Variants in TSPAN5 observed in about 807,000 individuals in gnomAD.
TSPAN5 encodes tetraspanin 5, also known as tetraspanin-5.
A neutral mutation model predicts 37.1 loss-of-function variants in TSPAN5; 10 were observed. The ratio of observed to expected loss-of-function variants is 0.27; its 90% CI spans 0.17 to 0.46. The LOEUF is 0.46. Among genes scored for constraint, TSPAN5 ranks in the 20% least tolerant of loss-of-function variants. The pLI is 1.00. For missense variants in TSPAN5, 195 were observed against 326.6 expected, an observed-to-expected ratio of 0.60 and a Z score of 3.11; for synonymous variants, 110 against 118.9, an observed-to-expected ratio of 0.93 and a Z score of 0.48.
chr4:98,559,567 T>C (rs1442881728), intron 1 of TSPAN5, among the ~76,000 whole-genome samples: 1 of 152,228 alleles, frequency 6.6e-6, no homozygotes, highest in Non-Finnish European at 1.5e-5. Context: ...TTTATTATCA[T>C]TAGTTACTGA....
intron 2 of TSPAN5, among the ~76,000 whole-genome samples, chr4:98,489,214 C>T (rs1251550220): frequency 2.0e-5 from 3 of 152,134 alleles, no homozygotes; most frequent in African/African-American, 7.2e-5. Flanking sequence ...ACAGGACTAG[C>T]TGGATTTCCC....
intron 1 of TSPAN5, among the ~76,000 whole-genome samples, chr4:98,649,934 C>T (rs6829297): frequency 0.12 from 18,343 of 152,188 alleles, 1,209 homozygotes; most frequent in African/African-American, 0.16. Context: ...TATATGTAGA[C>T]CTAACACTCT....
chr4:98,586,176 T>C (rs1755480284), intron 1 of TSPAN5, among the ~76,000 whole-genome samples: 1 of 152,234 alleles, frequency 6.6e-6, no homozygotes, highest in Admixed American at 6.5e-5. Context: ...AAAAGCAGAC[T>C]GAAGTTTTAA....
intron 1 of TSPAN5, among the ~76,000 whole-genome samples, chr4:98,648,132 C>T (rs1054337073): frequency 2.6e-5 from 4 of 152,144 alleles, no homozygotes; most frequent in Admixed American, 6.5e-5. Flanking sequence ...GCTTTATTGT[C>T]AACTGTCTTT....
chr4:98,476,268 C>T lies in TSPAN5; in HGVS notation c.662G>A (p.Cys221Tyr). 1 of 1,614,232 alleles carries T rather than the reference C, an allele frequency of 6.2e-7. No homozygotes were observed. The highest frequency in any genetic ancestry group is 8.5e-7 in the Non-Finnish European group (1 of 1,180,038). Residue 221 changes from cysteine to tyrosine, a missense_variant, in exon 7 of 8, where the codon TGT (cysteine) becomes TAT (tyrosine). By Grantham distance (194) the Cys-to-Tyr change is radical. Transcript: ENST00000305798. ...CAACCACTTCTCAAACTGGGGCACA[C>T]AGCCTTTCGTGTAGATTACAATCTG... ...DQQIVIYTKG[C>Y]VPQFEKWLQD...
At chr4:98,545,197 G>T (rs1373931373) in intron 1 of TSPAN5, among the ~76,000 whole-genome samples, 1 of 152,226 alleles carries the variant, frequency 6.6e-6, no homozygotes, top group Non-Finnish European at 1.5e-5. Flanking sequence ...ACCTAGAGCA[G>T]CTGGTGGCTG....
At chr4:98,485,108 C>G (rs1475941821) in intron 3 of TSPAN5, 1 of 83,796 alleles carries the variant, frequency 1.2e-5, no homozygotes, top group Non-Finnish European at 2.4e-5. Context: ...AGTGAAACTC[C>G]ATCTAAAAAA....
chr4:98,589,272 T>A (rs62323635), intron 1 of TSPAN5, among the ~76,000 whole-genome samples: 17,596 of 152,234 alleles, frequency 0.12, 1,056 homozygotes, highest in African/African-American at 0.15. Context: ...GGCGCAAACA[T>A]ATATTTGCAT....
intron 1 of TSPAN5, among the ~76,000 whole-genome samples, chr4:98,631,246 G>A (rs887852321): frequency 1.1e-4 from 16 of 152,040 alleles, no homozygotes; most frequent in Non-Finnish European, 1.2e-4. Flanking sequence ...TGAGACCCAC[G>A]GCAAGCAAGG....
At chr4:98,535,943 T>G (rs1754222855) in intron 1 of TSPAN5, among the ~76,000 whole-genome samples, 1 of 152,224 alleles carries the variant, frequency 6.6e-6, no homozygotes, top group Admixed American at 6.5e-5. Flanking sequence ...TAACCTTTTT[T>G]CAAGGTTCTT....
chr4:98,601,407 G>T (rs1230551063), intron 1 of TSPAN5, among the ~76,000 whole-genome samples: 2 of 152,218 alleles, frequency 1.3e-5, no homozygotes, highest in African/African-American at 2.4e-5. Flanking sequence ...ATCTTAGCTA[G>T]ATCTTCTGGA....
intron 2 of TSPAN5, among the ~76,000 whole-genome samples, chr4:98,499,789 T>C (rs890070203): frequency 6.6e-6 from 1 of 151,160 alleles, no homozygotes; most frequent in Admixed American, 6.6e-5. Context: ...GCCTCCCAAG[T>C]AGCTGGGACT....
chr4:98,618,466 T>C (rs373507559), intron 1 of TSPAN5, among the ~76,000 whole-genome samples: 16 of 152,336 alleles, frequency 1.1e-4, no homozygotes, highest in African/African-American at 3.6e-4. Flanking sequence ...ATTTGTATAA[T>C]AGCAGTCGTA....
intron 3 of TSPAN5, among the ~76,000 whole-genome samples, chr4:98,485,855 C>T (rs371391871): frequency 2.1e-5 from 3 of 143,216 alleles, no homozygotes; most frequent in South Asian, 2.4e-4. Context: ...GGAAATATTA[C>T]ACTACAACTG....
chr4:98,627,302 G>A (rs1051365352), intron 1 of TSPAN5, among the ~76,000 whole-genome samples: 3 of 152,074 alleles, frequency 2.0e-5, no homozygotes, highest in Non-Finnish European at 4.4e-5. Context: ...TATAAAGGAC[G>A]TTACTGGGAT....
At chr4:98,523,528 G>A (rs575445418) in intron 1 of TSPAN5, among the ~76,000 whole-genome samples, 13 of 152,170 alleles carry the variant, frequency 8.5e-5, no homozygotes, top group Admixed American at 2.0e-4. Context: ...TCTGCCTCCC[G>A]GGTTCAAGTG....
intron 1 of TSPAN5, among the ~76,000 whole-genome samples, chr4:98,552,242 C>T (rs962296181): frequency 1.3e-5 from 2 of 151,978 alleles, no homozygotes; most frequent in African/African-American, 4.8e-5. Context: ...TTTCTTGTAA[C>T]TTTGAGTTTG....
At chr4:98,533,565 T>C (rs1175432853) in intron 1 of TSPAN5, among the ~76,000 whole-genome samples, 1 of 132,378 alleles carries the variant, frequency 7.6e-6, no homozygotes, top group Non-Finnish European at 1.6e-5. Flanking sequence ...TTTTTTTTTT[T>C]CTTGAGACAG....
intron 1 of TSPAN5, among the ~76,000 whole-genome samples, chr4:98,612,699 G>A (rs1228819191): frequency 6.6e-6 from 1 of 151,846 alleles, no homozygotes. Context: ...TCCCCGCGGG[G>A]CTCCCCCCGC....
Sources: allele counts gnomAD v4.1 joint callset (sites outside exome capture counted in the v4.1 genomes callset), GRCh38; gene constraint gnomAD v4.1.1; transcripts MANE v1.5; gene names NCBI Gene and HGNC (gene_info 2026-07-23, HGNC 2026-07-21).